Variants in POLH observed in about 807,000 individuals in gnomAD.
POLH encodes DNA polymerase eta, also known as DNA polymerase eta transcript.
A neutral mutation model predicts 73.6 loss-of-function variants in POLH; 53 were observed. The observed-to-expected ratio is 0.72, with a 90% CI of 0.58 to 0.91. The LOEUF (loss-of-function observed/expected upper bound fraction) is 0.91, where lower values mean the gene tolerates loss of function less well. Ranked by LOEUF, POLH falls within the 40% of genes least tolerant of loss-of-function variation. POLH has a pLI of 0.00. For synonymous variants in POLH, 292 were observed against 308.5 expected, an observed-to-expected ratio of 0.95 and a Z score of 0.56; for missense variants, 768 against 865.4, an observed-to-expected ratio of 0.89 and a Z score of 1.41.
At chr6:43,604,273 A>C (rs1009332109) in intron 7 of POLH, among the ~76,000 whole-genome samples, 2 of 152,248 alleles carry the variant, frequency 1.3e-5, no homozygotes, top group East Asian at 1.9e-4. Flanking sequence ...TCATTCATGC[A>C]TGCTGAGATG....
chr6:43,593,266 A>G (rs769420561), intron 4 of POLH, among the ~76,000 whole-genome samples: 11 of 152,314 alleles, frequency 7.2e-5, no homozygotes, highest in Non-Finnish European at 1.5e-4. Flanking sequence ...CTAGTGCTCA[A>G]TTCTCCCCAA....
chr6:43,584,190 A>T (rs1427045100), intron 3 of POLH, among the ~76,000 whole-genome samples: 1 of 152,204 alleles, frequency 6.6e-6, no homozygotes, highest in Non-Finnish European at 1.5e-5. Flanking sequence ...GAGGATTCAC[A>T]TCTGTTTTTT....
rs548691073 is a variant in POLH at position 43,601,007 on chromosome 6, G to A, written c.680G>A (p.Cys227Tyr). 10 of 1,614,006 alleles carry A rather than the reference G, an allele frequency of 6.2e-6. No homozygotes were observed. In the East Asian group the frequency reaches 1.3e-4, roughly 22 times the overall value. The change falls in exon 6 of 11, where the codon TGT (cysteine) becomes TAT (tyrosine). Residue 227 changes from cysteine to tyrosine, a missense_variant. Physicochemically the swap from Cys to Tyr is radical, Grantham distance 194 (BLOSUM62 -2). Coordinates refer to ENST00000372236, the MANE Select transcript of POLH (RefSeq NM_006502.3). The stretch of plus-strand genomic sequence containing the variant: ...TTCCAGGTCCTGGCAAAACTGGCCT[G>A]TGGACTAAACAAGCCCAACCGCCAA... ...SHNKVLAKLACGLNKPNRQTL... is the reference protein window; with the variant it reads ...SHNKVLAKLAYGLNKPNRQTL...
chr6:43,611,634 C>T (rs183082174), intron 10 of POLH, among the ~76,000 whole-genome samples: 29 of 152,172 alleles, frequency 1.9e-4, no homozygotes, highest in African/African-American at 6.7e-4. Flanking sequence ...GTCAGTTGCT[C>T]ACTTACAGAT....
rs1339188665 is a variant in POLH at position 43,619,030 on chromosome 6, A to AT, written c.*4480dup. On this transcript the variant is annotated 3_prime_UTR_variant, in exon 11 of 11. Coordinates refer to ENST00000372236, the MANE Select transcript of POLH (RefSeq NM_006502.3). ...TGAAAACCACTAGATTTACCAGGAA[A>AT]TTTTTTTCTTCAAAAATATTTTCTG... 6.6e-6 allele frequency among the ~76,000 whole-genome samples: 1 copy of AT among 151,766 alleles called. No individual in the cohort carries two copies. Among genetic ancestry groups the AT allele is most frequent in the African/African-American group, 2.4e-5 (1 of 41,298 alleles).
At chr6:43,588,820 T>G (rs1164553481) in intron 4 of POLH, 3 of 152,154 alleles carry the variant, frequency 2.0e-5, no homozygotes, top group African/African-American at 7.2e-5. Context: ...GATTTTGTGC[T>G]ATTATAGATC....
intron 1 of POLH, among the ~76,000 whole-genome samples, chr6:43,581,814 G>A (rs1764292995): frequency 1.3e-5 from 2 of 150,934 alleles, no homozygotes; most frequent in Admixed American, 6.6e-5. Flanking sequence ...CACCACCCGC[G>A]GCCACCATGG....
chr6:43,589,313 G>T (rs929758497), intron 4 of POLH, among the ~76,000 whole-genome samples: 1 of 152,122 alleles, frequency 6.6e-6, no homozygotes, highest in African/African-American at 2.4e-5. Flanking sequence ...TGCTTCTAAT[G>T]TCCTGCTCTA....
rs771582888 is a variant in POLH, at chr6:43,600,971, A to ACTTTGCAT, written c.661-16_661-9dup. On this transcript the variant is annotated splice_polypyrimidine_tract_variant and intron_variant, in intron 5 of 10. Coordinates refer to ENST00000372236, the MANE Select transcript of POLH (RefSeq NM_006502.3). ...GGGTTGACAGTAATGAGGTTTTTAT[A>ACTTTGCAT]CTTTGCATGCTTCCAGGTCCTGGCA... 2.7e-4 allele frequency: 417 copies of ACTTTGCAT among 1,571,178 alleles called. 2 individuals are homozygous for ACTTTGCAT. The highest frequency in any genetic ancestry group is 3.3e-4 in the Middle Eastern group (2 of 5,998).
chr6:43,603,835 C>T, intron 6 of POLH, 57 bp from the exon 7 acceptor site: 1 of 1,581,396 alleles, frequency 6.3e-7, no homozygotes, highest in Non-Finnish European at 8.7e-7. Context: ...CTTACGTTTG[C>T]TGCTAATTAG....
rs1231035331 is a variant in POLH at position 43,620,030 on chromosome 6, G to A, written c.*5473G>A. ...TCAAGTAGTATGAACATGGAAACAG[G>A]AGCAGGGACTAAGGTTTGGTCAAGT... On this transcript the variant is annotated 3_prime_UTR_variant, in exon 11 of 11. Coordinates refer to ENST00000372236, the MANE Select transcript of POLH (RefSeq NM_006502.3). 7.2e-6 allele frequency: 2 copies of A among 276,030 alleles called. No homozygotes were observed. The highest frequency in any genetic ancestry group is 4.7e-5 in the African/African-American group (2 of 42,658). The allele number at this position is 276,030 out of a possible 1,614,324, so 17.1% of individuals were successfully genotyped here. A position where few individuals can be genotyped will look rare whatever the true frequency, so the allele number is the denominator to read the frequency against.
At chr6:43,582,599 C>CA (rs1221319537) in intron 2 of POLH, 143 bp downstream of exon 2, 1 of 851,120 alleles carries the variant, frequency 1.2e-6, no homozygotes, top group Non-Finnish European at 2.0e-6. Flanking sequence ...ACCATCAGCT[C>CA]ACAGCAGCTT....
intron 4 of POLH, among the ~76,000 whole-genome samples, chr6:43,596,676 A>C (rs1766098484): frequency 6.6e-6 from 1 of 152,212 alleles, no homozygotes; most frequent in Non-Finnish European, 1.5e-5. Context: ...AACATTTGAG[A>C]AGGAAGACAA....
chr6:43,617,760 T>C lies in POLH; in HGVS notation c.*3203T>C, dbSNP rs1768446039. 6.6e-6 allele frequency among the ~76,000 whole-genome samples: 1 copy of C among 151,994 alleles called. No homozygotes were observed. The highest frequency in any genetic ancestry group is 2.4e-5 in the African/African-American group (1 of 41,384). On this transcript the variant is annotated 3_prime_UTR_variant, in exon 11 of 11. Coordinates refer to ENST00000372236, the MANE Select transcript of POLH (RefSeq NM_006502.3). ...CTGGCCAACATGGTGAAACCCCGTC[T>C]CTACTGAAAATACAACTGGGCGTGG...
At chr6:43,596,279 C>T (rs1204905101) in intron 4 of POLH, among the ~76,000 whole-genome samples, 2 of 152,088 alleles carry the variant, frequency 1.3e-5, no homozygotes, top group Non-Finnish European at 2.9e-5. Flanking sequence ...GTCAGGAGAT[C>T]GAGACCATTC....
At chr6:43,612,130 CTGATA>C (rs1448161045) in intron 10 of POLH, among the ~76,000 whole-genome samples, 5 of 152,044 alleles carry the variant, frequency 3.3e-5, no homozygotes, top group Non-Finnish European at 7.4e-5. Context: ...TTAATACTTC[CTGATA>C]TATTTATTTT....
chr6:43,578,471 T>C (rs1338676440), intron 1 of POLH: 2 of 434,828 alleles, frequency 4.6e-6, no homozygotes, highest in South Asian at 1.7e-5. Context: ...GGAAGTCAAA[T>C]ATCAGTAGTA....
chr6:43,605,439 C>CTTTA, intron 9 of POLH, 120 bp downstream of exon 9: 1 of 354,402 alleles, frequency 2.8e-6, no homozygotes, highest in Non-Finnish European at 5.0e-6. Context: ...TATCCGTTTT[C>CTTTA]TTTCTTTTTT....
intron 4 of POLH, among the ~76,000 whole-genome samples, chr6:43,589,639 T>G (rs1255561032): frequency 2.0e-5 from 3 of 148,050 alleles, no homozygotes; most frequent in African/African-American, 7.4e-5. Context: ...TTCCTTGTCT[T>G]TTTTTTTTTT....
Sources: allele counts gnomAD v4.1 joint callset (sites outside exome capture counted in the v4.1 genomes callset), GRCh38; gene constraint gnomAD v4.1.1; transcripts MANE v1.5; gene names NCBI Gene and HGNC (gene_info 2026-07-23, HGNC 2026-07-21).